Variants in SESTD1 observed in about 807,000 individuals in gnomAD.
SESTD1 encodes the protein SEC14 domain and spectrin repeat-containing protein 1.
Under a neutral mutation model 101.7 loss-of-function variants are expected in SESTD1, and 43 were observed. The ratio of observed to expected loss-of-function variants is 0.42; its 90% CI spans 0.33 to 0.55. The LOEUF (loss-of-function observed/expected upper bound fraction) is 0.55, where lower values mean the gene tolerates loss of function less well. Ranked by LOEUF, SESTD1 falls within the 20% of genes least tolerant of loss-of-function variation. The probability of loss-of-function intolerance (pLI) is 0.07; values close to 1 mark genes in which losing one functional copy is unlikely to be tolerated. For missense variants in SESTD1, 647 were observed against 815.1 expected, an observed-to-expected ratio of 0.79 and a Z score of 2.51; for synonymous variants, 283 against 286.8, an observed-to-expected ratio of 0.99 and a Z score of 0.13.
chr2:179,256,806 C>A (rs2047400725), intron 1 of SESTD1, among the ~76,000 whole-genome samples: 1 of 131,660 alleles, frequency 7.6e-6, no homozygotes. Context: ...AGCGAGACTC[C>A]ACCTCAAAAA....
chr2:179,224,242 G>A (rs1195714523), intron 1 of SESTD1, among the ~76,000 whole-genome samples: 1 of 151,988 alleles, frequency 6.6e-6, no homozygotes, highest in Non-Finnish European at 1.5e-5. Flanking sequence ...GATCCTAATC[G>A]CTTTCTGTGC....
chr2:179,227,383 A>T (rs1001056353), intron 1 of SESTD1, among the ~76,000 whole-genome samples: 4 of 152,052 alleles, frequency 2.6e-5, no homozygotes, highest in Non-Finnish European at 2.9e-5. Flanking sequence ...CTAACCTCTC[A>T]CTTGGCAGAT....
At position 179,105,258 on chromosome 2, in the gene SESTD1, C is replaced by T. The variant is rs1321828632; in HGVS notation, c.*4641G>A. On this transcript the variant is annotated 3_prime_UTR_variant, in exon 18 of 18. Coordinates refer to ENST00000428443, the MANE Select transcript of SESTD1 (RefSeq NM_178123.5). ...GTTGTTGTTTCTACTGGTCGGTGCT[C>T]GCTCACTAATATCCAATCCTAGTAT... The T allele has an allele frequency of 1.3e-5, 2 of 151,068 alleles. No individual in the cohort carries two copies. The highest frequency in any genetic ancestry group is 4.9e-5 in the African/African-American group (2 of 41,048). The allele number at this position is 151,068 out of a possible 1,614,324, so 9.4% of individuals were successfully genotyped here. A position where few individuals can be genotyped will look rare whatever the true frequency, so the allele number is the denominator to read the frequency against.
chr2:179,231,625 A>AT (rs1206628457), intron 1 of SESTD1, among the ~76,000 whole-genome samples: 3 of 151,822 alleles, frequency 2.0e-5, no homozygotes, highest in Non-Finnish European at 4.4e-5. Context: ...GAAATCAAAC[A>AT]TAAGTCATTA....
chr2:179,259,122 T>C (rs79706794), intron 1 of SESTD1, among the ~76,000 whole-genome samples: 6,589 of 152,304 alleles, frequency 0.043, 172 homozygotes, highest in Middle Eastern at 0.099. Flanking sequence ...CCTGCACCTT[T>C]GTTTCTTTAT....
chr2:179,191,817 T>C lies in SESTD1; in HGVS notation c.25A>G (p.Ile9Val), dbSNP rs1201786377. 1.9e-6 allele frequency: 3 copies of C among 1,612,920 alleles called. No homozygotes were observed. In the South Asian group the frequency reaches 3.3e-5, roughly 18 times the overall value. MEASVILPILKKKLAFLSG... is the reference protein window; with the variant it reads MEASVILPVLKKKLAFLSG... ...AGGAAGGCTAGTTTTTTCTTCAGAA[T>C]GGGTAATATTACTGAGGCCTCCATT... is the stretch of plus-strand genomic sequence containing the variant. Residue 9 changes from isoleucine (I) to valine (V), a missense_variant, in exon 2 of 18, where the codon ATT becomes GTT. By Grantham distance (29) the Ile-to-Val change is conservative. This residue lies in a region of SESTD1 where 168 missense variants were observed against 235.1 expected (regional missense o/e 0.71). Transcript: ENST00000428443.
Position 179,172,198 on chromosome 2 carries a change from C to T in SESTD1, c.291G>A (p.Val97=). 6.2e-7 allele frequency: 1 copy of T among 1,608,736 alleles called. No individual in the cohort carries two copies. Among genetic ancestry groups the T allele is most frequent in the Non-Finnish European group, 8.5e-7 (1 of 1,176,650 alleles). Residue 97 remains valine (V), a synonymous_variant, in exon 5 of 18, where the codon GTG becomes GTA. Transcript: ENST00000428443. Reference sequence around the variant, plus strand: ...TATCCCAGAATTCATCTGGCTTTACCACACAAACAAGGGACACCTCAGCTG... The same window carrying T: ...TATCCCAGAATTCATCTGGCTTTACTACACAAACAAGGGACACCTCAGCTG... ...VVPAEVSLVC[V]VKPDEFWDKK... is the part of the protein sequence containing the mutation.
chr2:179,119,447 T>G (rs923747618), intron 13 of SESTD1, among the ~76,000 whole-genome samples: 2 of 152,164 alleles, frequency 1.3e-5, no homozygotes, highest in African/African-American at 4.8e-5. Flanking sequence ...CTGGTTTGGA[T>G]CTGGGTTTTG....
intron 1 of SESTD1, among the ~76,000 whole-genome samples, chr2:179,253,327 G>C (rs1456727091): frequency 1.3e-5 from 2 of 152,100 alleles, no homozygotes; most frequent in South Asian, 4.1e-4. Context: ...TCCTGAAACA[G>C]AAAAGAACTT....
chr2:179,173,299 T>C (rs7606537), intron 4 of SESTD1, among the ~76,000 whole-genome samples: 4,770 of 152,292 alleles, frequency 0.031, 250 homozygotes, highest in African/African-American at 0.11. Context: ...CTGCTGTATT[T>C]TTCTTCATAG....
chr2:179,120,331 C>T (rs2044722196), intron 13 of SESTD1, among the ~76,000 whole-genome samples: 1 of 152,140 alleles, frequency 6.6e-6, no homozygotes, highest in African/African-American at 2.4e-5. Context: ...CATGGGGCAT[C>T]CCGCAGGCGA....
At chr2:179,147,602 C>T (rs969042290) in intron 7 of SESTD1, among the ~76,000 whole-genome samples, 2 of 152,092 alleles carry the variant, frequency 1.3e-5, no homozygotes, top group Non-Finnish European at 2.9e-5. Context: ...CCTTGTGATC[C>T]ACCCGCCTTG....
intron 8 of SESTD1, among the ~76,000 whole-genome samples, chr2:179,145,456 G>A (rs763109216): frequency 3.4e-4 from 52 of 152,096 alleles, no homozygotes; most frequent in Non-Finnish European, 5.6e-4. Context: ...CATATGTAAA[G>A]TGCTCAGACA....
chr2:179,161,521 C>T (rs1240527540), intron 5 of SESTD1, among the ~76,000 whole-genome samples: 1 of 151,946 alleles, frequency 6.6e-6, no homozygotes, highest in African/African-American at 2.4e-5. Context: ...ATGTGCTGGG[C>T]GTGGTGGCAC....
At chr2:179,249,546 C>G (rs1199033870) in intron 1 of SESTD1, among the ~76,000 whole-genome samples, 1 of 152,124 alleles carries the variant, frequency 6.6e-6, no homozygotes, top group African/African-American at 2.4e-5. Flanking sequence ...ATAACATGTT[C>G]ATGGATTTGC....
At chr2:179,236,820 T>C (rs746179617) in intron 1 of SESTD1, among the ~76,000 whole-genome samples, 21 of 151,494 alleles carry the variant, frequency 1.4e-4, no homozygotes, top group Non-Finnish European at 3.1e-4. Flanking sequence ...GTTCACAGGC[T>C]TTACAATCAT....
intron 14 of SESTD1, 113 bp from the exon 15 acceptor site, chr2:179,116,903 A>G (rs1360833531): frequency 5.1e-6 from 7 of 1,368,152 alleles, no homozygotes; most frequent in Non-Finnish European, 6.9e-6. Context: ...GTTAATTATA[A>G]CCTAAAGTCT....
chr2:179,164,692 T>G (rs1009207798), intron 5 of SESTD1, among the ~76,000 whole-genome samples: 11 of 152,134 alleles, frequency 7.2e-5, no homozygotes, highest in South Asian at 2.1e-4. Flanking sequence ...ATTCAATTCC[T>G]GATGAAAAAC....
intron 1 of SESTD1, among the ~76,000 whole-genome samples, chr2:179,225,677 C>T (rs1434960296): frequency 6.6e-6 from 1 of 152,066 alleles, no homozygotes; most frequent in Non-Finnish European, 1.5e-5. Flanking sequence ...GTCTAGGTGT[C>T]CTCACATTGC....
Sources: allele counts gnomAD v4.1 joint callset (sites outside exome capture counted in the v4.1 genomes callset), GRCh38; gene constraint gnomAD v4.1.1; regional missense constraint gnomAD v4.1.1; transcripts MANE v1.5; gene names NCBI Gene and HGNC (gene_info 2026-07-23, HGNC 2026-07-21).